The following SLC35F5 variants were observed in gnomAD, a reference collection of about 807,000 sequenced individuals.
SLC35F5 encodes the protein solute carrier family 35 member F5, also known as HCV NS5A-transactivated protein 3.
A neutral mutation model predicts 68.6 loss-of-function variants in SLC35F5; 54 were observed. The observed-to-expected ratio is 0.79, with a 90% confidence interval of 0.63 to 0.99. SLC35F5 has a LOEUF of 0.99. Among genes scored for constraint, SLC35F5 ranks in the 50% least tolerant of loss-of-function variants. SLC35F5 has a pLI of 0.00. For missense variants in SLC35F5, 567 were observed against 626.9 expected (o/e 0.90, Z 1.02); for synonymous variants, 211 against 205.2 (o/e 1.03, Z -0.24).
intron 7 of SLC35F5, among the ~76,000 whole-genome samples, chr2:113,741,192 G>A (rs1676258587): frequency 6.6e-6 from 1 of 152,218 alleles, no homozygotes; most frequent in East Asian, 1.9e-4. Context: ...AAAGACAAAT[G>A]CTGTATGATT....
intron 1 of SLC35F5, 99 bp downstream of exon 1, chr2:113,756,271 C>T: frequency 6.5e-7 from 1 of 1,542,504 alleles, no homozygotes; most frequent in Non-Finnish European, 8.7e-7. Context: ...TCGGTCAAGG[C>T]GCTCCTGCTG....
intron 4 of SLC35F5, among the ~76,000 whole-genome samples, chr2:113,749,841 TAAGA>T (rs759196319): frequency 5.1e-4 from 78 of 152,284 alleles, no homozygotes; most frequent in Admixed American, 7.8e-4. Flanking sequence ...AGGATTAACA[TAAGA>T]AAGTTTTATA....
In SLC35F5 at chr2:113,719,238, AG is replaced by A. The variant is rs765807914; in HGVS notation, c.1411del (p.Leu471TyrfsTer10). On this transcript the variant is annotated frameshift_variant, in exon 14 of 16. Coordinates refer to ENST00000245680, the MANE Select transcript of SLC35F5 (RefSeq NM_025181.5). LOFTEE classifies it high-confidence loss of function. ...AGGATCCCAATTATTATAATGGCAT[AG>A]GAGAGTTACAATAAAAAATGAAAAA... ...VFFSFFIVTL[L>X]CHYNNWDPVM... The A allele has an allele frequency of 6.2e-7, 1 of 1,604,624 alleles. No homozygotes were observed. The highest frequency in any genetic ancestry group is 8.5e-7 in the Non-Finnish European group (1 of 1,178,230).
rs951934614 is a variant in SLC35F5, at chr2:113,710,353, TCTGA to T, written c.*4861_*4864del. 3.9e-5 allele frequency among the ~76,000 whole-genome samples: 6 copies of T among 152,220 alleles called. No individual in the cohort carries two copies. The highest frequency in any genetic ancestry group is 2.1e-4 in the South Asian group (1 of 4,826). On this transcript the variant is annotated 3_prime_UTR_variant, in exon 16 of 16. Coordinates refer to ENST00000245680, the MANE Select transcript of SLC35F5 (RefSeq NM_025181.5). ...GAAATTTTGCTTTGATGTTACATGGTCTGACTGACACTGGATTTCTTCATAAGAA... is the reference window on the plus strand; with the variant it reads ...GAAATTTTGCTTTGATGTTACATGGTCTGACACTGGATTTCTTCATAAGAA...
intron 10 of SLC35F5, among the ~76,000 whole-genome samples, chr2:113,729,913 G>T (rs1457447610): frequency 6.6e-6 from 1 of 152,008 alleles, no homozygotes; most frequent in African/African-American, 2.4e-5. Flanking sequence ...CTAAGCTGTT[G>T]CTTGTATTGT....
chr2:113,752,022 G>C (rs1467019537), intron 3 of SLC35F5, among the ~76,000 whole-genome samples: 3 of 152,092 alleles, frequency 2.0e-5, no homozygotes, highest in Non-Finnish European at 2.9e-5. Flanking sequence ...GACCAGCCTG[G>C]CCAACACAGT....
At chr2:113,738,572 C>T (rs958463200) in intron 7 of SLC35F5, among the ~76,000 whole-genome samples, 1 of 151,654 alleles carries the variant, frequency 6.6e-6, no homozygotes, top group African/African-American at 2.4e-5. Flanking sequence ...GTACAGATGT[C>T]TCTTTGAGAT....
At chr2:113,750,296 T>C in intron 4 of SLC35F5, 129 bp downstream of exon 4, 2 of 828,884 alleles carry the variant, frequency 2.4e-6, no homozygotes, top group Non-Finnish European at 3.4e-6. Flanking sequence ...GGTTTTCTTA[T>C]ATCATCTTCA....
At chr2:113,741,746 T>C (rs7581858) in intron 7 of SLC35F5, 30,404 of 151,698 alleles carry the variant, frequency 0.2, 3,831 homozygotes, top group Middle Eastern at 0.47. Flanking sequence ...GTATACTTTA[T>C]TATAATTTCA....
chr2:113,755,772 T>C, intron 1 of SLC35F5: 3 of 1,347,604 alleles, frequency 2.2e-6, no homozygotes, highest in East Asian at 5.0e-5. Flanking sequence ...GGGGGAGTAA[T>C]ATACAACATA....
downstream of SLC35F5, among the ~76,000 whole-genome samples, chr2:113,702,938 A>G (rs1686724361): frequency 6.6e-6 from 1 of 152,064 alleles, no homozygotes; most frequent in African/African-American, 2.4e-5. Context: ...GCAAGACCTC[A>G]TTGCTACTAA....
downstream of SLC35F5, among the ~76,000 whole-genome samples, chr2:113,706,479 G>A (rs1232539439): frequency 6.6e-6 from 1 of 152,168 alleles, no homozygotes; most frequent in Non-Finnish European, 1.5e-5. Flanking sequence ...CAATTTTGGA[G>A]GAAAAGTTCA....
intron 4 of SLC35F5, among the ~76,000 whole-genome samples, chr2:113,747,198 G>A (rs1205814815): frequency 2.0e-5 from 3 of 150,392 alleles, no homozygotes; most frequent in African/African-American, 4.9e-5. Flanking sequence ...TGAGGCAGGG[G>A]AATCGCTTGA....
intron 4 of SLC35F5, among the ~76,000 whole-genome samples, chr2:113,748,577 TTTTG>T (rs1264208253): frequency 2.0e-5 from 3 of 152,206 alleles, no homozygotes; most frequent in Non-Finnish European, 4.4e-5. Context: ...ATTTTCCTCT[TTTTG>T]TTTCTCTGTA....
intron 11 of SLC35F5, among the ~76,000 whole-genome samples, chr2:113,727,315 T>G (rs1322862597): frequency 6.6e-6 from 1 of 152,112 alleles, no homozygotes; most frequent in Non-Finnish European, 1.5e-5. Flanking sequence ...TTTATAGCAG[T>G]GTGAAAACAG....
chr2:113,704,114 A>G (rs1686748888), downstream of SLC35F5: 1 of 152,296 alleles, frequency 6.6e-6, no homozygotes, highest in African/African-American at 2.4e-5. Flanking sequence ...AGCAAGATTT[A>G]TTGCAAAAAG....
At chr2:113,753,327 C>T (rs897281469) in intron 3 of SLC35F5, among the ~76,000 whole-genome samples, 3 of 151,774 alleles carry the variant, frequency 2.0e-5, no homozygotes, top group Non-Finnish European at 4.4e-5. Context: ...TACAGGCACC[C>T]ACCACCACAC....
At chr2:113,730,173 T>A (rs1687826251) in intron 10 of SLC35F5, among the ~76,000 whole-genome samples, 1 of 152,204 alleles carries the variant, frequency 6.6e-6, no homozygotes, top group Admixed American at 6.5e-5. Context: ...ACACATAATT[T>A]ATACTTTTTA....
rs1687019726 is a variant in SLC35F5 at position 113,712,363 on chromosome 2, C to T, written c.*2855G>A. 6.6e-6 allele frequency among the ~76,000 whole-genome samples: 1 copy of T among 151,890 alleles called. No individual in the cohort carries two copies. Among genetic ancestry groups the T allele is most frequent in the Admixed American group, 6.5e-5 (1 of 15,270 alleles). ...AGACGGAGTCTCGCTGTCGCCCAGG[C>T]TGGAGTGCAGGGGCACGATCTCGGC... On this transcript the variant is annotated 3_prime_UTR_variant, in exon 16 of 16. Coordinates refer to ENST00000245680, the MANE Select transcript of SLC35F5 (RefSeq NM_025181.5).
Sources: gnomAD v4.1 joint callset for allele counts (sites outside exome capture counted in the v4.1 genomes callset) on GRCh38, gnomAD v4.1.1 for gene constraint, MANE v1.5 for transcripts, NCBI Gene and HGNC (gene_info 2026-07-23, HGNC 2026-07-21) for gene names.